The following THSD7A variants were observed in gnomAD, a reference collection of about 807,000 sequenced individuals.
THSD7A encodes the protein thrombospondin type 1 domain containing 7A.
THSD7A carries 96 observed loss-of-function variants against 231.3 expected under a neutral mutation model. The ratio of observed to expected loss-of-function variants is 0.41; its 90% CI spans 0.35 to 0.49. The LOEUF is 0.49. Among genes scored for constraint, THSD7A ranks in the 20% least tolerant of loss-of-function variants. THSD7A has a pLI of 0.05. For missense variants in THSD7A, 2,290 were observed against 2,070.2 expected, an observed-to-expected ratio of 1.11 and a Z score of -2.06; for synonymous variants, 940 against 743.3, an observed-to-expected ratio of 1.26 and a Z score of -4.30.
chr7:11,378,293 A>G (rs779057221), intron 26 of THSD7A: 9 of 152,160 alleles, frequency 5.9e-5, no homozygotes, highest in Admixed American at 1.3e-4. Context: ...AAAAAGTGGC[A>G]TATTAGCTGC....
In THSD7A at chr7:11,636,353, G is replaced by C. The variant is rs375255237; in HGVS notation, c.799C>G (p.His267Asp). ...VGPWSTCSMPHSRQVRQARRR... is the reference protein window; with the variant it reads ...VGPWSTCSMPDSRQVRQARRR... ...CTTGCTTGTCTTACTTGTCGGGAGT[G>C]GGGCATTGAGCAGGTGCTCCAGGGC... is the stretch of plus-strand genomic sequence containing the variant. The change falls in exon 2 of 28, where the codon CAC becomes GAC. Residue 267 changes from histidine (H) to aspartate (D), a missense_variant. His to Asp is a moderately conservative substitution (Grantham distance 81, BLOSUM62 -1). Coordinates refer to ENST00000423059, the MANE Select transcript of THSD7A (RefSeq NM_015204.3). The surrounding 1 kb of genome is among the most constrained non-coding windows in gnomAD (Gnocchi z 10.0). 1.2e-6 allele frequency: 2 copies of C among 1,613,826 alleles called. No individual in the cohort carries two copies. The highest frequency in any genetic ancestry group is 2.2e-5 in the East Asian group (1 of 44,866).
chr7:11,698,326 T>G (rs1283924302), intron 1 of THSD7A, among the ~76,000 whole-genome samples: 2 of 147,918 alleles, frequency 1.4e-5, no homozygotes, highest in African/African-American at 5.0e-5. Flanking sequence ...AGCAGTGAAG[T>G]TTTTTTTTTC....
In THSD7A at chr7:11,497,439, C is replaced by T. The variant is rs75830985; in HGVS notation, c.1823-15457G>A. Among the ~76,000 whole-genome samples the T allele has an allele frequency of 1.9e-4, 29 of 152,254 alleles. No individual in the cohort carries two copies. The East Asian group carries it at 5.0e-3, about 26-fold the overall frequency. ...TAATGGTATTGATAAAAATGTACCT[C>T]ATTGCATTTCTTTAGGGGACATTAG... is the stretch of plus-strand genomic sequence containing the variant. On this transcript the variant is annotated intron_variant, in intron 6 of 27. Transcript: ENST00000423059.
chr7:11,536,260 T>G (rs1788911310), intron 6 of THSD7A, among the ~76,000 whole-genome samples: 1 of 152,304 alleles, frequency 6.6e-6, no homozygotes, highest in Admixed American at 6.5e-5. Context: ...GGTCTTTGGT[T>G]CCTTTTAGTT....
chr7:11,468,880 C>A (rs756519585), intron 9 of THSD7A, among the ~76,000 whole-genome samples: 1 of 151,988 alleles, frequency 6.6e-6, no homozygotes, highest in Non-Finnish European at 1.5e-5. Flanking sequence ...TCTATCACTT[C>A]TAAGTGTGGT....
chr7:11,379,244 C>G lies in THSD7A; in HGVS notation c.4627G>C (p.Val1543Leu). 6.2e-7 allele frequency: 1 copy of G among 1,613,628 alleles called. No homozygotes were observed. The highest frequency in any genetic ancestry group is 8.5e-7 in the Non-Finnish European group (1 of 1,179,630). The change falls in exon 26 of 28, where the codon GTC becomes CTC. Residue 1543 changes from valine (V) to leucine (L), a missense_variant. Val to Leu is a conservative substitution (Grantham distance 32). Transcript: ENST00000423059. ...TCAAGGGTGCTGTTAGAAGACATGA[C>G]TTCAGTGTACCCTTCTTCACAATGG... is the stretch of plus-strand genomic sequence containing the variant. ...TCHCEEGYTEVMSSNSTLEQC... is the reference protein window; with the variant it reads ...TCHCEEGYTELMSSNSTLEQC...
intron 4 of THSD7A, among the ~76,000 whole-genome samples, chr7:11,585,670 T>G (rs1779859063): frequency 6.6e-6 from 1 of 152,162 alleles, no homozygotes; most frequent in South Asian, 2.1e-4. Flanking sequence ...ATTATTCCAG[T>G]CTGGGGTCGT....
intron 1 of THSD7A, among the ~76,000 whole-genome samples, chr7:11,739,233 A>G (rs911907583): frequency 6.6e-6 from 1 of 152,070 alleles, no homozygotes; most frequent in Non-Finnish European, 1.5e-5. Flanking sequence ...TTTAAGAAAC[A>G]TGACATAAAT....
At chr7:11,813,446 A>G (rs7793953) in intron 1 of THSD7A, among the ~76,000 whole-genome samples, 126,090 of 151,982 alleles carry the variant, frequency 0.83, 52,398 homozygotes, top group South Asian at 0.91. Context: ...GGGAGTGGTG[A>G]CTCACACCTG....
intron 1 of THSD7A, among the ~76,000 whole-genome samples, chr7:11,796,246 ATATTTC>A (rs1366215114): frequency 6.6e-6 from 1 of 150,908 alleles, no homozygotes; most frequent in Non-Finnish European, 1.5e-5. Flanking sequence ...CTACTGATAT[ATATTTC>A]TATATTTCTA....
intron 26 of THSD7A, 23 bp from the exon 27 acceptor site, chr7:11,376,680 A>G (rs1238500405): frequency 6.6e-7 from 1 of 1,514,072 alleles, no homozygotes; most frequent in Admixed American, 1.9e-5. Context: ...GATATTAGTT[A>G]TTAATTTACA....
chr7:11,434,147 C>G (rs1417990186), intron 13 of THSD7A, among the ~76,000 whole-genome samples: 2 of 151,936 alleles, frequency 1.3e-5, no homozygotes, highest in Non-Finnish European at 2.9e-5. Context: ...ACCAAACAAT[C>G]ATGGGGGATG....
chr7:11,601,950 G>A (rs934318169), intron 2 of THSD7A, among the ~76,000 whole-genome samples: 2 of 152,122 alleles, frequency 1.3e-5, no homozygotes, highest in African/African-American at 4.8e-5. Flanking sequence ...CTAAAAGCAA[G>A]GCCCATTTTC....
At chr7:11,549,212 G>A (rs1410013220) in intron 4 of THSD7A, among the ~76,000 whole-genome samples, 2 of 152,150 alleles carry the variant, frequency 1.3e-5, no homozygotes, top group African/African-American at 4.8e-5. Context: ...ATGTCAGTCA[G>A]AATGGCTATT....
In THSD7A at chr7:11,768,803, T is replaced by G. The variant is rs150888157; in HGVS notation, c.190+62954A>C. ...AAGCCTTATCTAAGAATATGATATT[T>G]AAATTTAAAAGTACTTTTATTTCAA... On this transcript the variant is annotated intron_variant, in intron 1 of 27. Transcript: ENST00000423059. 8.1e-4 allele frequency among the ~76,000 whole-genome samples: 124 copies of G among 152,188 alleles called. 2 individuals are homozygous for G. In the East Asian group the frequency reaches 0.023, roughly 29 times the overall value.
intron 1 of THSD7A, among the ~76,000 whole-genome samples, chr7:11,781,583 T>A (rs532298804): frequency 6.6e-6 from 1 of 152,356 alleles, no homozygotes; most frequent in Admixed American, 6.5e-5. Flanking sequence ...ACATGGTTCA[T>A]GTGTTTGCTA....
At chr7:11,563,605 G>A (rs1479712615) in intron 4 of THSD7A, among the ~76,000 whole-genome samples, 3 of 152,146 alleles carry the variant, frequency 2.0e-5, no homozygotes, top group African/African-American at 4.8e-5. Flanking sequence ...CAGGTGATCC[G>A]CCCTCCTCAG....
chr7:11,507,421 T>G (rs1277500366), intron 6 of THSD7A, among the ~76,000 whole-genome samples: 2 of 152,152 alleles, frequency 1.3e-5, no homozygotes, highest in African/African-American at 4.8e-5. Flanking sequence ...TTGGGAAATT[T>G]GTATGCCCGA....
Position 11,636,113 on chromosome 7 carries a change from A to G in THSD7A, c.1022+17T>C, listed in dbSNP as rs1781832218. 6.3e-7 allele frequency: 1 copy of G among 1,593,764 alleles called. No individual in the cohort carries two copies. The highest frequency in any genetic ancestry group is 8.6e-7 in the Non-Finnish European group (1 of 1,168,074). On this transcript the variant is annotated intron_variant, in intron 2 of 27. Transcript: ENST00000423059. The surrounding 1 kb of genome is among the most constrained non-coding windows in gnomAD (Gnocchi z 10.0). Reference sequence around the variant, plus strand: ...TGACAGACAAGCCTGTGTAGTTAACAGTAATTAAAATGTTACCTTAAATCA... The same window carrying G: ...TGACAGACAAGCCTGTGTAGTTAACGGTAATTAAAATGTTACCTTAAATCA...
Sources: gnomAD v4.1 joint callset for allele counts (sites outside exome capture counted in the v4.1 genomes callset) on GRCh38, gnomAD v4.1.1 for gene constraint, Gnocchi (gnomAD v3.1) non-coding constraint, MANE v1.5 for transcripts, NCBI Gene and HGNC (gene_info 2026-07-23, HGNC 2026-07-21) for gene names.